MPPED2: variants seen among roughly 807,000 people sequenced by gnomAD.
MPPED2 encodes the protein metallophosphoesterase MPPED2.
MPPED2 carries 5 observed loss-of-function variants against 33.0 expected under a neutral mutation model. The ratio of observed to expected loss-of-function variants is 0.15; its 90% CI spans 0.08 to 0.32. MPPED2 has a LOEUF of 0.32. MPPED2 is among the 10% of genes least tolerant of loss of function. MPPED2 has a pLI of 1.00. For synonymous variants in MPPED2, 136 were observed against 141.9 expected (o/e 0.96, Z 0.29); for missense variants, 275 against 372.1 (o/e 0.74, Z 2.15).
At chr11:30,426,078 G>T (rs565185588) in intron 4 of MPPED2, among the ~76,000 whole-genome samples, 2 of 152,048 alleles carry the variant, frequency 1.3e-5, no homozygotes, top group African/African-American at 2.4e-5. Context: ...CATTACTTCC[G>T]ATTACTTTCA....
At chr11:30,583,813 T>C (rs1590951683) in intron 1 of MPPED2, among the ~76,000 whole-genome samples, 1 of 152,180 alleles carries the variant, frequency 6.6e-6, no homozygotes, top group Non-Finnish European at 1.5e-5. Flanking sequence ...CGCGGTTTTC[T>C]CGTTTCAACA....
intron 6 of MPPED2, among the ~76,000 whole-genome samples, chr11:30,390,206 A>C (rs922211323): frequency 6.6e-6 from 1 of 152,214 alleles, no homozygotes; most frequent in African/African-American, 2.4e-5. Context: ...CAAATTCAAC[A>C]ACACTTTTTG....
At chr11:30,390,476 C>A (rs1947757876) in intron 6 of MPPED2, among the ~76,000 whole-genome samples, 1 of 152,200 alleles carries the variant, frequency 6.6e-6, no homozygotes, top group African/African-American at 2.4e-5. Flanking sequence ...AGCCCTGAAA[C>A]CATCCTTTGG....
intron 2 of MPPED2, among the ~76,000 whole-genome samples, chr11:30,571,416 A>C (rs1015482815): frequency 5.9e-5 from 9 of 152,144 alleles, no homozygotes; most frequent in Non-Finnish European, 1.2e-4. Context: ...AATTCAACAG[A>C]GTTTCCTCTT....
Position 30,527,076 on chromosome 11 carries a change from C to T in MPPED2, c.310+8918G>A, listed in dbSNP as rs527875936. Reference sequence around the variant, plus strand: ...GAGTAGCTGGGACTACAGGCGCCCACCACCACGCCCAGCTAATTTTTTTTT... The same window carrying T: ...GAGTAGCTGGGACTACAGGCGCCCATCACCACGCCCAGCTAATTTTTTTTT... On this transcript the variant is annotated intron_variant, in intron 3 of 6. Transcript: ENST00000358117. Among the ~76,000 whole-genome samples, 5 of 151,942 alleles carry T rather than the reference C, an allele frequency of 3.3e-5. No individual in the cohort carries two copies. In the East Asian group the frequency reaches 9.8e-4, roughly 30 times the overall value.
At chr11:30,539,481 G>C (rs1026101577) in intron 2 of MPPED2, among the ~76,000 whole-genome samples, 1 of 152,134 alleles carries the variant, frequency 6.6e-6, no homozygotes, top group South Asian at 2.1e-4. Flanking sequence ...AAAAAACATA[G>C]CAGCATAAAA....
Position 30,410,850 on chromosome 11 carries a change from G to C in MPPED2, c.*618C>G, listed in dbSNP as rs895372863. On this transcript the variant is annotated 3_prime_UTR_variant, in exon 7 of 7. Transcript: ENST00000358117. ...AGAAACAAACAAACAATGAGACCTT[G>C]TATAACCACAATAGGAATCTCACTA... 46 of 985,600 alleles carry C rather than the reference G, an allele frequency of 4.7e-5. No individual in the cohort carries two copies. The highest frequency in any genetic ancestry group is 5.5e-5 in the Non-Finnish European group (46 of 829,898). 61.1% of individuals were successfully genotyped at this position (985,600 alleles called of 1,614,324 possible).
At chr11:30,511,079 C>T (rs1011825748) in intron 3 of MPPED2, among the ~76,000 whole-genome samples, 3 of 152,150 alleles carry the variant, frequency 2.0e-5, no homozygotes, top group South Asian at 2.1e-4. Flanking sequence ...ACCTAATTTT[C>T]GAATCCTGTA....
rs1265484199 is a variant in MPPED2, at chr11:30,473,242, G to A, written c.536+22054C>T. The stretch of plus-strand genomic sequence containing the variant: ...GGCATGTATCTCTATTTCACCTCTC[G>A]TCACGCATTTATTTTCTCAGCTTGT... On this transcript the variant is annotated intron_variant, in intron 4 of 6. Transcript: ENST00000358117. 9.9e-5 allele frequency among the ~76,000 whole-genome samples: 15 copies of A among 152,066 alleles called. 1 individual carries two copies. The South Asian group carries it at 1.9e-3, about 19-fold the overall frequency.
intron 3 of MPPED2, among the ~76,000 whole-genome samples, chr11:30,502,983 A>G (rs775106354): frequency 6.6e-6 from 1 of 152,106 alleles, no homozygotes; most frequent in Non-Finnish European, 1.5e-5. Flanking sequence ...ATTCCAGAAC[A>G]TTTACTTTTC....
At chr11:30,568,596 C>G (rs911476335) in intron 2 of MPPED2, among the ~76,000 whole-genome samples, 1 of 152,138 alleles carries the variant, frequency 6.6e-6, no homozygotes, top group Admixed American at 6.5e-5. Flanking sequence ...CTCATAAAGA[C>G]AGGCAGGCAG....
intron 2 of MPPED2, among the ~76,000 whole-genome samples, chr11:30,567,035 C>T (rs550130514): frequency 6.6e-6 from 1 of 152,280 alleles, no homozygotes; most frequent in East Asian, 1.9e-4. Context: ...TCTCTGGCAC[C>T]TCTCAGTATC....
At chr11:30,495,596 T>A in intron 3 of MPPED2, 75 bp from the exon 4 acceptor site, 1 of 1,089,534 alleles carries the variant, frequency 9.2e-7, no homozygotes, top group Non-Finnish European at 1.4e-6. Flanking sequence ...GACTGTGTGA[T>A]TAGCAGACAG....
Position 30,459,466 on chromosome 11 carries a change from T to A in MPPED2, c.536+35830A>T, listed in dbSNP as rs185970422. Among the ~76,000 whole-genome samples the A allele has an allele frequency of 2.6e-5, 4 of 152,302 alleles. No individual in the cohort carries two copies. In the East Asian group the frequency reaches 7.7e-4, roughly 29 times the overall value. The stretch of plus-strand genomic sequence containing the variant: ...CCAGCCTAGAAAATAAAACCTAAAC[T>A]ATGGCTTTTGAAATACTGAGTCTCT... On this transcript the variant is annotated intron_variant, in intron 4 of 6. Coordinates refer to ENST00000358117, the MANE Select transcript of MPPED2 (RefSeq NM_001584.3).
intron 6 of MPPED2, among the ~76,000 whole-genome samples, chr11:30,394,805 T>G (rs1015927229): frequency 6.6e-6 from 1 of 152,202 alleles, no homozygotes; most frequent in Non-Finnish European, 1.5e-5. Context: ...ATTATTGGTG[T>G]CATATGTAAG....
chr11:30,515,631 T>G (rs75934666), intron 3 of MPPED2, among the ~76,000 whole-genome samples: 1,551 of 152,300 alleles, frequency 0.01, 25 homozygotes, highest in African/African-American at 0.035. Context: ...TCAGAGTGGT[T>G]GTACAACCTT....
At chr11:30,455,643 T>C (rs1421536564) in intron 4 of MPPED2, among the ~76,000 whole-genome samples, 1 of 152,224 alleles carries the variant, frequency 6.6e-6, no homozygotes, top group East Asian at 1.9e-4. Flanking sequence ...TTCCTCCCCA[T>C]ATGGGATGGT....
At chr11:30,422,589 T>G (rs561521377) in intron 4 of MPPED2, among the ~76,000 whole-genome samples, 79 of 152,216 alleles carry the variant, frequency 5.2e-4, no homozygotes, top group African/African-American at 1.8e-3. Flanking sequence ...GGAAAATACG[T>G]GCACAGCCAA....
At chr11:30,517,123 T>C (rs1953576843) in intron 3 of MPPED2, among the ~76,000 whole-genome samples, 1 of 152,192 alleles carries the variant, frequency 6.6e-6, no homozygotes, top group Admixed American at 6.5e-5. Context: ...AGAATTTCTT[T>C]CAACATTATG....
Sources: allele counts gnomAD v4.1 joint callset (sites outside exome capture counted in the v4.1 genomes callset), GRCh38; gene constraint gnomAD v4.1.1; transcripts MANE v1.5; gene names NCBI Gene and HGNC (gene_info 2026-07-23, HGNC 2026-07-21).